AGBL1: variants seen among roughly 807,000 people sequenced by gnomAD.
The protein encoded by AGBL1 is cytosolic carboxypeptidase 4.
Under a neutral mutation model 118.9 loss-of-function variants are expected in AGBL1, and 130 were observed. The observed-to-expected ratio is 1.09, with a 90% CI of 0.95 to 1.26. The LOEUF (loss-of-function observed/expected upper bound fraction) is 1.26. AGBL1 is among the 50% of genes most tolerant of loss of function. The pLI is 0.00. For synonymous variants in AGBL1, 555 were observed against 478.9 expected, an observed-to-expected ratio of 1.16 and a Z score of -2.08; for missense variants, 1,584 against 1,298.1, an observed-to-expected ratio of 1.22 and a Z score of -3.38.
chr15:86,984,350 C>T lies in AGBL1; in HGVS notation c.3222-3637C>T, dbSNP rs1352660382. Among the ~76,000 whole-genome samples, 53 of 115,660 alleles carry T rather than the reference C, an allele frequency of 4.6e-4. No homozygotes were observed. In the Admixed American group the frequency reaches 4.8e-3, roughly 10 times the overall value. The allele number at this position is 115,660 out of a possible 152,430, so 75.9% of individuals were successfully genotyped here. Reference sequence around the variant, plus strand: ...AATTTTTTCAAAGTAGATTGTTTTCCATTTTTTTCTCTCTTTTTTTTTTTT... The same window carrying T: ...AATTTTTTCAAAGTAGATTGTTTTCTATTTTTTTCTCTCTTTTTTTTTTTT... On this transcript the variant is annotated intron_variant, in intron 23 of 24. Coordinates refer to the AGBL1 transcript ENST00000441037.
chr15:86,157,279 T>C (rs566841947), intron 4 of AGBL1, among the ~76,000 whole-genome samples: 1 of 152,294 alleles, frequency 6.6e-6, no homozygotes, highest in South Asian at 2.1e-4. Context: ...TAGATTTGCA[T>C]ACACCCATCT....
chr15:86,626,246 T>C (rs1460225229), intron 21 of AGBL1, among the ~76,000 whole-genome samples: 1 of 152,098 alleles, frequency 6.6e-6, no homozygotes, highest in Non-Finnish European at 1.5e-5. Flanking sequence ...AGCAAAGACA[T>C]GGAATCCACC....
chr15:86,256,966 C>T lies in AGBL1; in HGVS notation c.849C>T (p.Ala283=). Residue 283 remains alanine (A), a synonymous_variant, in exon 8 of 23, where the codon GCC becomes GCT. Transcript: ENST00000614907. ...TGGTCACAGCCAGCAGTGCCTATGC[C>T]TTCCCGGTCCCCGGGTGCATCACCA... is the stretch of plus-strand genomic sequence containing the variant. ...LPLVTASSAY[A]FPVPGCITTE... 6.2e-7 allele frequency: 1 copy of T among 1,613,978 alleles called. No individual in the cohort carries two copies. Among genetic ancestry groups the T allele is most frequent in the Non-Finnish European group, 8.5e-7 (1 of 1,179,882 alleles).
chr15:86,828,028 C>T (rs1378070175), intron 22 of AGBL1, among the ~76,000 whole-genome samples: 1 of 137,184 alleles, frequency 7.3e-6, no homozygotes, highest in East Asian at 2.4e-4. Flanking sequence ...CAACCTTAAA[C>T]TCCTAGGCAC....
intron 1 of AGBL1, among the ~76,000 whole-genome samples, chr15:86,109,615 T>C (rs935919058): frequency 6.6e-6 from 1 of 152,208 alleles, no homozygotes; most frequent in Admixed American, 6.5e-5. Context: ...CCACAATTTG[T>C]TTTTTGGGGT....
chr15:86,181,505 T>G (rs2077552572), intron 5 of AGBL1, among the ~76,000 whole-genome samples: 1 of 151,804 alleles, frequency 6.6e-6, no homozygotes, highest in Admixed American at 6.6e-5. Flanking sequence ...TGTCTGGAGA[T>G]GGGGGTTGGA....
At position 86,257,031 on chromosome 15, in the gene AGBL1, G is replaced by A. The variant is rs754374344; in HGVS notation, c.901+13G>A. On this transcript the variant is annotated intron_variant, in intron 8 of 22. Transcript: ENST00000614907. ...GATCTACCTGAAGGTAAAATAAGTT[G>A]GTAACTATGACCTTTAAGATGAGTT... The A allele has an allele frequency of 3.6e-5, 58 of 1,610,644 alleles. No homozygotes were observed. Among genetic ancestry groups the A allele is most frequent in the Admixed American group, 1.0e-4 (6 of 59,562 alleles).
intron 22 of AGBL1, among the ~76,000 whole-genome samples, chr15:86,836,168 G>A (rs1224466133): frequency 6.6e-6 from 1 of 152,158 alleles, no homozygotes; most frequent in African/African-American, 2.4e-5. Flanking sequence ...AATTGGTACT[G>A]GATGAAAAGA....
At chr15:86,451,998 G>A (rs2082199220) in intron 18 of AGBL1, among the ~76,000 whole-genome samples, 1 of 152,048 alleles carries the variant, frequency 6.6e-6, no homozygotes, top group Admixed American at 6.6e-5. Context: ...ACTTGAACCA[G>A]CTGTTCAATG....
intron 22 of AGBL1, among the ~76,000 whole-genome samples, chr15:86,884,281 C>T (rs1455501090): frequency 6.6e-6 from 1 of 152,158 alleles, no homozygotes; most frequent in African/African-American, 2.4e-5. Flanking sequence ...AGGTAGTATA[C>T]ACAGGGTGGG....
At chr15:86,192,170 GCA>G (rs199529547) in intron 5 of AGBL1, among the ~76,000 whole-genome samples, 7 of 149,370 alleles carry the variant, frequency 4.7e-5, no homozygotes, top group Admixed American at 2.7e-4. Flanking sequence ...ACACACACAT[GCA>G]CACACACACA....
intron 22 of AGBL1, among the ~76,000 whole-genome samples, chr15:86,800,711 G>C (rs1231063412): frequency 6.6e-6 from 1 of 152,106 alleles, no homozygotes; most frequent in Non-Finnish European, 1.5e-5. Flanking sequence ...CACCTGGCAA[G>C]TTCATTGCAG....
At chr15:86,200,550 A>C (rs1471010464) in intron 5 of AGBL1, among the ~76,000 whole-genome samples, 4,215 of 71,760 alleles carry the variant, frequency 0.059, 1 homozygote, top group Middle Eastern at 0.11. Context: ...ATAGACCCCT[A>C]CCCCCCCCCC....
At chr15:86,667,175 A>T (rs1297617314) in intron 21 of AGBL1, among the ~76,000 whole-genome samples, 1 of 152,012 alleles carries the variant, frequency 6.6e-6, no homozygotes, top group Non-Finnish European at 1.5e-5. Flanking sequence ...ATATTTCTGA[A>T]CATAAATTTT....
At chr15:86,798,651 A>G (rs1305866140) in intron 22 of AGBL1, among the ~76,000 whole-genome samples, 2 of 150,972 alleles carry the variant, frequency 1.3e-5, no homozygotes, top group South Asian at 2.1e-4. Flanking sequence ...TCCTCTTGGA[A>G]ACTGGGAGGA....
At chr15:86,977,599 G>A (rs1242380725) in intron 23 of AGBL1, among the ~76,000 whole-genome samples, 1 of 151,432 alleles carries the variant, frequency 6.6e-6, no homozygotes, top group Non-Finnish European at 1.5e-5. Context: ...TTCTGTTATT[G>A]CAATTATAGA....
At chr15:86,148,353 A>C (rs1211941135) in intron 3 of AGBL1, among the ~76,000 whole-genome samples, 1 of 152,176 alleles carries the variant, frequency 6.6e-6, no homozygotes, top group Non-Finnish European at 1.5e-5. Flanking sequence ...GGATGTTCGA[A>C]CCCATTGCAA....
chr15:86,655,544 A>G (rs878912503), intron 21 of AGBL1, among the ~76,000 whole-genome samples: 4 of 152,084 alleles, frequency 2.6e-5, no homozygotes, highest in South Asian at 2.1e-4. Context: ...ATATTTGTAA[A>G]GCATCTTATA....
intron 5 of AGBL1, among the ~76,000 whole-genome samples, chr15:86,176,752 C>T (rs1365897122): frequency 6.6e-6 from 1 of 152,110 alleles, no homozygotes; most frequent in Non-Finnish European, 1.5e-5. Flanking sequence ...GGGATCCAGC[C>T]TAAACTACAT....
Sources: gnomAD v4.1 joint callset for allele counts (sites outside exome capture counted in the v4.1 genomes callset) on GRCh38, gnomAD v4.1.1 for gene constraint, MANE v1.5 for transcripts, NCBI Gene and HGNC (gene_info 2026-07-23, HGNC 2026-07-21) for gene names.